PDE4B: variants seen among roughly 807,000 people sequenced by gnomAD.
PDE4B encodes phosphodiesterase 4B, also known as 3',5'-cyclic-AMP phosphodiesterase 4B.
Under a neutral mutation model 82.2 loss-of-function variants are expected in PDE4B, and 20 were observed. The observed-to-expected ratio is 0.24, with a 90% CI of 0.17 to 0.35. PDE4B has a LOEUF of 0.35. Among genes scored for constraint, PDE4B ranks in the 10% least tolerant of loss-of-function variants. PDE4B has a pLI of 1.00. For missense variants in PDE4B, 655 were observed against 907.2 expected (o/e 0.72, Z 3.57); for synonymous variants, 320 against 318.9 (o/e 1.00, Z -0.04).
At chr1:65,925,217 A>G (rs1265119145) in intron 3 of PDE4B, among the ~76,000 whole-genome samples, 1 of 152,194 alleles carries the variant, frequency 6.6e-6, no homozygotes, top group Non-Finnish European at 1.5e-5. Context: ...AAAAATAGCT[A>G]ATGCATGCTG....
intron 3 of PDE4B, among the ~76,000 whole-genome samples, chr1:66,036,137 T>C (rs1457344314): frequency 6.6e-6 from 1 of 152,206 alleles, no homozygotes; most frequent in African/African-American, 2.4e-5. Context: ...TTTTGAGAAA[T>C]GTTTATTCAA....
intron 1 of PDE4B, among the ~76,000 whole-genome samples, chr1:65,889,516 A>G (rs1646829266): frequency 6.6e-6 from 1 of 151,980 alleles, no homozygotes; most frequent in African/African-American, 2.4e-5. Context: ...TTGCTAAAAA[A>G]ATAAATAAAA....
intron 3 of PDE4B, among the ~76,000 whole-genome samples, chr1:65,960,218 C>T (rs1168990279): frequency 1.3e-5 from 2 of 152,058 alleles, no homozygotes; most frequent in African/African-American, 4.8e-5. Flanking sequence ...ATCAGTGCAT[C>T]GGTGACTGAG....
At chr1:66,109,632 C>G (rs1482922429) in intron 3 of PDE4B, among the ~76,000 whole-genome samples, 4 of 151,796 alleles carry the variant, frequency 2.6e-5, no homozygotes, top group Admixed American at 2.6e-4. Flanking sequence ...TAGCTCATAG[C>G]CCTATTCTGG....
chr1:65,944,782 G>A (rs1429965539), intron 3 of PDE4B, among the ~76,000 whole-genome samples: 2 of 151,724 alleles, frequency 1.3e-5, no homozygotes, highest in African/African-American at 2.4e-5. Flanking sequence ...GATTTGGAGA[G>A]CATTTATGAC....
chr1:66,252,628 A>G (rs1397096768), intron 4 of PDE4B, among the ~76,000 whole-genome samples: 1 of 152,254 alleles, frequency 6.6e-6, no homozygotes, highest in Non-Finnish European at 1.5e-5. Flanking sequence ...TGCTGAATGC[A>G]TATGGCTTTT....
At chr1:66,001,193 G>A (rs1207886348) in intron 3 of PDE4B, among the ~76,000 whole-genome samples, 2 of 152,128 alleles carry the variant, frequency 1.3e-5, no homozygotes, top group African/African-American at 4.8e-5. Context: ...GCAACTGTGG[G>A]TCAGGGAGAC....
chr1:66,129,699 A>AAAAAAC (rs1486132307), intron 3 of PDE4B, among the ~76,000 whole-genome samples: 1 of 7,324 alleles, frequency 1.4e-4, no homozygotes, highest in African/African-American at 5.2e-4. Flanking sequence ...CAAAAAAACA[A>AAAAAAC]AAAAAAAAAC....
At chr1:66,287,531 T>C (rs1392922586) in intron 7 of PDE4B, among the ~76,000 whole-genome samples, 1 of 152,110 alleles carries the variant, frequency 6.6e-6, no homozygotes, top group African/African-American at 2.4e-5. Flanking sequence ...TTAAAGGAGC[T>C]GAGAGGTTGA....
chr1:65,838,646 C>T (rs998865712), intron 1 of PDE4B, among the ~76,000 whole-genome samples: 13 of 148,620 alleles, frequency 8.7e-5, no homozygotes, highest in African/African-American at 3.2e-4. Context: ...TATACATATA[C>T]ATATATATAT....
rs140623301 is a variant in PDE4B, at chr1:66,009,493, A to T, written c.281+90658A>T. ...GAATCCTTTAACAACATCCTATTTC[A>T]CTCAGAGTATGGGTCAATGTGCATG... On this transcript the variant is annotated intron_variant, in intron 3 of 16. Transcript: ENST00000341517. Among the ~76,000 whole-genome samples the T allele has an allele frequency of 8.1e-4, 123 of 152,072 alleles. 1 individual carries two copies. Among genetic ancestry groups the T allele is most frequent in the African/African-American group, 2.7e-3 (110 of 41,508 alleles).
At chr1:65,897,693 C>T (rs1646926657) in intron 1 of PDE4B, among the ~76,000 whole-genome samples, 1 of 151,648 alleles carries the variant, frequency 6.6e-6, no homozygotes, top group South Asian at 2.1e-4. Context: ...CATAGTATTC[C>T]ATGCTGTACA....
chr1:66,272,631 A>T (rs909435413), intron 7 of PDE4B, among the ~76,000 whole-genome samples: 1 of 151,468 alleles, frequency 6.6e-6, no homozygotes, highest in African/African-American at 2.4e-5. Flanking sequence ...TTTTTCTCTA[A>T]TCTTTTTCCT....
chr1:65,795,829 A>G (rs1557751552), intron 1 of PDE4B, among the ~76,000 whole-genome samples: 2 of 152,208 alleles, frequency 1.3e-5, no homozygotes, highest in Non-Finnish European at 2.9e-5. Flanking sequence ...TCCCAAGAAA[A>G]TAGGGCTTTG....
At chr1:66,341,090 T>C (rs1423596459) in intron 8 of PDE4B, among the ~76,000 whole-genome samples, 1 of 152,234 alleles carries the variant, frequency 6.6e-6, no homozygotes, top group Non-Finnish European at 1.5e-5. Context: ...TTATTTTCTA[T>C]TTCTATTTGA....
chr1:66,045,370 C>G (rs1654643631), intron 3 of PDE4B, among the ~76,000 whole-genome samples: 2 of 151,704 alleles, frequency 1.3e-5, no homozygotes, highest in Non-Finnish European at 3.0e-5. Flanking sequence ...TCTGGCTCCC[C>G]TGAGCTAATG....
chr1:66,123,484 T>G (rs999865969), intron 3 of PDE4B, among the ~76,000 whole-genome samples: 4 of 152,164 alleles, frequency 2.6e-5, no homozygotes, highest in Non-Finnish European at 4.4e-5. Flanking sequence ...CCTGCCTTTC[T>G]TCCTTTGTCA....
intron 1 of PDE4B, among the ~76,000 whole-genome samples, chr1:65,889,906 G>T (rs1248374277): frequency 6.6e-6 from 1 of 152,052 alleles, no homozygotes; most frequent in African/African-American, 2.4e-5. Context: ...TCTTCCTATT[G>T]TGAGGTGTCC....
intron 3 of PDE4B, among the ~76,000 whole-genome samples, chr1:66,199,328 T>C (rs891627015): frequency 1.3e-5 from 2 of 152,130 alleles, no homozygotes; most frequent in Non-Finnish European, 2.9e-5. Context: ...TGGTATCTCA[T>C]TGCAGTTTTG....
Sources: allele counts gnomAD v4.1 joint callset (sites outside exome capture counted in the v4.1 genomes callset), GRCh38; gene constraint gnomAD v4.1.1; transcripts MANE v1.5; gene names NCBI Gene and HGNC (gene_info 2026-07-23, HGNC 2026-07-21).